The following RPS6KB2 variants were observed in gnomAD, a reference collection of about 807,000 sequenced individuals.
RPS6KB2 encodes the protein ribosomal protein S6 kinase B2.
Under a neutral mutation model 58.2 loss-of-function variants are expected in RPS6KB2, and 51 were observed. That is an observed-to-expected ratio of 0.88 (90% CI 0.70 to 1.11). RPS6KB2 has a LOEUF of 1.11. Ranked by LOEUF, RPS6KB2 falls within the 50% of genes least tolerant of loss-of-function variation. The probability of loss-of-function intolerance (pLI) is 0.00; values close to 1 mark genes in which losing one functional copy is unlikely to be tolerated. For synonymous variants in RPS6KB2, 293 were observed against 258.6 expected, an observed-to-expected ratio of 1.13 and a Z score of -1.28; for missense variants, 671 against 655.8, an observed-to-expected ratio of 1.02 and a Z score of -0.25.
At chr11:67,432,328 GT>G (rs1420054506) in intron 5 of RPS6KB2, 17 of 658,274 alleles carry the variant, frequency 2.6e-5, no homozygotes, top group Non-Finnish European at 3.9e-5. Context: ...TATTAGAGCC[GT>G]TGTGTACATG....
Position 67,431,449 on chromosome 11 carries a change from A to G in RPS6KB2, c.391A>G (p.Ile131Val). ...NILESVKHPF[I>V]VELAYAFQTG... ...TCTAGAGTCAGTGAAGCACCCCTTT[A>G]TTGTGGAACTGGCCTATGCCTTCCA... The change falls in exon 5 of 15, where the codon ATT becomes GTT. Residue 131 changes from isoleucine (I) to valine (V), a missense_variant. Transcript: ENST00000312629. The G allele has an allele frequency of 2.5e-6, 4 of 1,613,936 alleles. No individual in the cohort carries two copies. The highest frequency in any genetic ancestry group is 2.5e-6 in the Non-Finnish European group (3 of 1,179,948).
At chr11:67,433,852 G>T in intron 10 of RPS6KB2, 143 bp from the exon 11 acceptor site, 1 of 899,868 alleles carries the variant, frequency 1.1e-6, no homozygotes. Context: ...AACCTTGAAA[G>T]CCCTGAGGGT....
chr11:67,433,479 T>C, intron 10 of RPS6KB2, 32 bp downstream of exon 10: 1 of 1,442,500 alleles, frequency 6.9e-7, no homozygotes, highest in Non-Finnish European at 9.8e-7. Context: ...TCCGGGGCCC[T>C]GCCAGCCATT....
rs760872517 is a variant in RPS6KB2 at position 67,432,828 on chromosome 11, AGCAGCCAGGGTGCGCATGTGTGTGCGG to A, written c.613_616+23del. The A allele has an allele frequency of 3.7e-6, 6 of 1,613,892 alleles. No individual in the cohort carries two copies. In the South Asian group the frequency reaches 6.6e-5, roughly 18 times the overall value. ...CCTCAAGCCCGAGAACATCATGCTC[AGCAGCCAGGGTGCGCATGTGTGTGCGG>A]GCAGCTGCAGGCGGGGTCTGCAATC... On this transcript the variant is annotated splice_donor_variant and splice_donor_5th_base_variant and coding_sequence_variant and intron_variant, in exon 7 of 15. Coordinates refer to ENST00000312629, the MANE Select transcript of RPS6KB2 (RefSeq NM_003952.3). LOFTEE classifies it high-confidence loss of function.
intron 4 of RPS6KB2, chr11:67,431,029 ATTT>A (rs60580998): frequency 3.3e-4 from 42 of 128,562 alleles, no homozygotes; most frequent in South Asian, 1.5e-3. Flanking sequence ...GGTTGCCCCC[ATTT>A]TTTTTTTTTT....
rs763564604 is a variant in RPS6KB2 at position 67,434,987 on chromosome 11, A to G, written c.1269-2A>G. 1.2e-6 allele frequency: 2 copies of G among 1,613,418 alleles called. No individual in the cohort carries two copies. The highest frequency in any genetic ancestry group is 1.7e-6 in the Non-Finnish European group (2 of 1,179,662). ...CTTATTCTGCCTTGGTTTCCCCTGC[A>G]GCCCCCTCAAGTTCTCCCCTTTTGA... On this transcript the variant is annotated splice_acceptor_variant, in intron 14 of 14. Coordinates refer to ENST00000312629, the MANE Select transcript of RPS6KB2 (RefSeq NM_003952.3). LOFTEE classifies it high-confidence loss of function.
rs1310673129 is a variant in RPS6KB2 at position 67,433,593 on chromosome 11, G to A, written c.906+146G>A. The A allele has an allele frequency of 4.5e-6, 3 of 670,632 alleles. No individual in the cohort carries two copies. The African/African-American group carries it at 5.4e-5, about 12-fold the overall frequency. 41.5% of individuals were successfully genotyped at this position (670,632 alleles called of 1,614,324 possible). On this transcript the variant is annotated intron_variant, in intron 10 of 14. Transcript: ENST00000312629. The stretch of plus-strand genomic sequence containing the variant: ...AAAGGAGCCCCTCCCTTGAAGTCAG[G>A]GATTGAGCCCAGGTCTCAGCCCTGT...
intron 4 of RPS6KB2, chr11:67,431,029 ATTTTTTTTTTT>A (rs60580998): frequency 6.2e-5 from 8 of 128,648 alleles, no homozygotes; most frequent in Non-Finnish European, 1.2e-4. Context: ...GGTTGCCCCC[ATTTTTTTTTTT>A]TTTTTTTTTT....
intron 1 of RPS6KB2, 83 bp downstream of exon 1, chr11:67,428,706 C>A: frequency 7.4e-7 from 1 of 1,348,384 alleles, no homozygotes; most frequent in Non-Finnish European, 1.0e-6. Flanking sequence ...TCCGCACGCC[C>A]AGAGCGGGCT....
rs200633410 is a variant in RPS6KB2, at chr11:67,434,426, C to A, written c.1097C>A (p.Thr366Lys). Residue 366 changes from threonine (T) to lysine (K), a missense_variant, in exon 13 of 15, where the codon ACG becomes AAG. Transcript: ENST00000312629. ...SQFDTRFTRQ[T>K]PVDSPDDTAL... ...TTTGATACCCGCTTCACACGGCAGA[C>A]GCCGGTGGACAGTCCTGATGACACA... is the stretch of plus-strand genomic sequence containing the variant. The A allele has an allele frequency of 6.2e-7, 1 of 1,613,096 alleles. No homozygotes were observed. Among genetic ancestry groups the A allele is most frequent in the East Asian group, 2.2e-5 (1 of 44,892 alleles).
intron 14 of RPS6KB2, 49 bp downstream of exon 14, chr11:67,434,743 C>T (rs748217680): frequency 8.9e-5 from 127 of 1,423,010 alleles, no homozygotes; most frequent in Non-Finnish European, 1.2e-4. Flanking sequence ...CGCTGGCAGG[C>T]AGGATGCCAG....
intron 14 of RPS6KB2, 145 bp from the exon 15 acceptor site, chr11:67,434,844 T>A: frequency 9.9e-7 from 1 of 1,005,382 alleles, no homozygotes; most frequent in Non-Finnish European, 1.5e-6. Flanking sequence ...CTACACCCCT[T>A]GTGGCCAGGC....
Position 67,434,379 on chromosome 11 carries a change from G to A in RPS6KB2, c.1050G>A (p.Gln350=). The stretch of plus-strand genomic sequence containing the variant: ...TCCCCACTCTGGTCGGCCCACAGCA[G>A]TCAGAGGAGGACGTGAGCCAGTTTG... The part of the protein sequence containing the change: ...RVDPPFRPCL[Q]SEEDVSQFDT... Residue 350 remains glutamine (Q), a splice_region_variant and synonymous_variant, in exon 13 of 15, where the codon CAG becomes CAA. Coordinates refer to ENST00000312629, the MANE Select transcript of RPS6KB2 (RefSeq NM_003952.3). 9.9e-6 allele frequency: 16 copies of A among 1,613,052 alleles called. No homozygotes were observed. Among genetic ancestry groups the A allele is most frequent in the African/African-American group, 1.3e-5 (1 of 75,052 alleles).
chr11:67,431,658 A>G (rs1864026397), intron 5 of RPS6KB2, 143 bp downstream of exon 5: 1 of 667,198 alleles, frequency 1.5e-6, no homozygotes, highest in African/African-American at 1.8e-5. Context: ...CCATCCATCC[A>G]TCCATCCGTG....
In RPS6KB2 at chr11:67,434,629, C is replaced by T. The variant is rs950959545; in HGVS notation, c.1203C>T (p.Gly401=). The T allele has an allele frequency of 6.2e-7, 1 of 1,610,264 alleles. No homozygotes were observed. Among genetic ancestry groups the T allele is most frequent in the Non-Finnish European group, 8.5e-7 (1 of 1,179,246 alleles). ...CTGTCCTGGACAGCATCAAGGAGGGCTTCTCCTTCCAGCCCAAGCTGCGCT... is the reference window on the plus strand; with the variant it reads ...CTGTCCTGGACAGCATCAAGGAGGGTTTCTCCTTCCAGCCCAAGCTGCGCT... The part of the protein sequence containing the change: ...APSVLDSIKE[G]FSFQPKLRSP... The change falls in exon 14 of 15, where the codon GGC becomes GGT. Residue 401 remains glycine, a synonymous_variant. Transcript: ENST00000312629.
rs1243137500 is a variant in RPS6KB2 at position 67,435,305 on chromosome 11, G to A, written c.*136G>A. On this transcript the variant is annotated 3_prime_UTR_variant, in exon 15 of 15. Transcript: ENST00000312629. Reference sequence around the variant, plus strand: ...TGAGTGCGTATGAAAGTGTGTGTCTGCTGGGGCAGCTGTGCCCCTGAATCA... The same window carrying A: ...TGAGTGCGTATGAAAGTGTGTGTCTACTGGGGCAGCTGTGCCCCTGAATCA... 2.4e-6 allele frequency: 2 copies of A among 839,002 alleles called. No homozygotes were observed. Among genetic ancestry groups the A allele is most frequent in the African/African-American group, 1.7e-5 (1 of 58,044 alleles). The allele number at this position is 839,002 out of a possible 1,614,324, so 52.0% of individuals were successfully genotyped here.
In RPS6KB2 at chr11:67,429,193, C is replaced by T. The variant is rs529680841; in HGVS notation, c.193C>T (p.His65Tyr). 1.2e-6 allele frequency: 2 copies of T among 1,613,754 alleles called. No individual in the cohort carries two copies. The highest frequency in any genetic ancestry group is 1.3e-5 in the African/African-American group (1 of 75,044). The change falls in exon 3 of 15, where the codon CAC becomes TAC. Residue 65 changes from histidine to tyrosine, a missense_variant. Coordinates refer to ENST00000312629, the MANE Select transcript of RPS6KB2 (RefSeq NM_003952.3). ...CGTTGGCCCAGAGCGCATCGGGCCCCACTGCTTTGAGCTGCTGCGTGTGCT... is the reference window on the plus strand; with the variant it reads ...CGTTGGCCCAGAGCGCATCGGGCCCTACTGCTTTGAGCTGCTGCGTGTGCT... ...VNVGPERIGP[H>Y]CFELLRVLGK...
Position 67,428,570 on chromosome 11 carries a change from T to C in RPS6KB2, c.25T>C (p.Leu9=), listed in dbSNP as rs759417660. 6.2e-7 allele frequency: 1 copy of C among 1,610,990 alleles called. No individual in the cohort carries two copies. The highest frequency in any genetic ancestry group is 8.5e-7 in the Non-Finnish European group (1 of 1,179,058). ...CATGGCGGCCGTGTTTGATTTGGAT[T>C]TGGAGACGGAGGAAGGCAGCGAGGG... is the stretch of plus-strand genomic sequence containing the variant. MAAVFDLD[L]ETEEGSEGEG... Residue 9 remains leucine, a synonymous_variant, in exon 1 of 15, where the codon TTG becomes CTG. Transcript: ENST00000312629.
chr11:67,433,736 C>A (rs575347078), intron 10 of RPS6KB2, among the ~76,000 whole-genome samples: 1 of 152,330 alleles, frequency 6.6e-6, no homozygotes, highest in East Asian at 1.9e-4. Context: ...AGGGGGAGGC[C>A]GGACAGCCAC....
Sources: allele counts gnomAD v4.1 joint callset (sites outside exome capture counted in the v4.1 genomes callset), GRCh38; gene constraint gnomAD v4.1.1; transcripts MANE v1.5; gene names NCBI Gene and HGNC (gene_info 2026-07-23, HGNC 2026-07-21).